Variants in HPSE2 observed in about 807,000 individuals in gnomAD.
HPSE2 encodes the protein heparanase 2 (inactive).
Under a neutral mutation model 60.5 loss-of-function variants are expected in HPSE2, and 38 were observed. The ratio of observed to expected loss-of-function variants is 0.63; its 90% CI spans 0.48 to 0.82. HPSE2 has a LOEUF of 0.82. Ranked by LOEUF, HPSE2 falls within the 40% of genes least tolerant of loss-of-function variation. The pLI, the probability that HPSE2 is intolerant of heterozygous loss-of-function variation, is 0.00. For missense variants in HPSE2, 713 were observed against 740.4 expected, an observed-to-expected ratio of 0.96 and a Z score of 0.43; for synonymous variants, 295 against 293.2, an observed-to-expected ratio of 1.01 and a Z score of -0.06.
At chr10:98,509,081 C>T (rs1313243392) in intron 9 of HPSE2, among the ~76,000 whole-genome samples, 2 of 151,998 alleles carry the variant, frequency 1.3e-5, no homozygotes, top group Non-Finnish European at 2.9e-5. Context: ...ATTGGGAGGC[C>T]GAGGCGGGTG....
chr10:98,620,493 C>T lies in HPSE2; in HGVS notation c.1205+109G>A, dbSNP rs7911541. 3.1e-3 allele frequency: 2,416 copies of T among 778,646 alleles called. 44 individuals are homozygous for T. The African/African-American group carries it at 0.033, about 11-fold the overall frequency. The allele number at this position is 778,646 out of a possible 1,614,324, so 48.2% of individuals were successfully genotyped here. On this transcript the variant is annotated intron_variant, in intron 8 of 11. Transcript: ENST00000370552. ...ATGAATGAATGAAATGAACTTTCAA[C>T]GGGAAACATGCCTCACCCCTAGGAT...
At chr10:98,646,145 G>T (rs1395614513) in intron 6 of HPSE2, among the ~76,000 whole-genome samples, 1 of 152,242 alleles carries the variant, frequency 6.6e-6, no homozygotes, top group East Asian at 1.9e-4. Flanking sequence ...CTATTTGAAA[G>T]CTTCTTCCCA....
chr10:98,979,624 G>T (rs1956163333), intron 3 of HPSE2, among the ~76,000 whole-genome samples: 2 of 152,148 alleles, frequency 1.3e-5, no homozygotes, highest in Admixed American at 1.3e-4. Flanking sequence ...GTATTGATTG[G>T]TTGATTAAAA....
chr10:98,740,791 TA>T (rs1238015097), intron 4 of HPSE2, among the ~76,000 whole-genome samples: 1 of 152,170 alleles, frequency 6.6e-6, no homozygotes, highest in Non-Finnish European at 1.5e-5. Flanking sequence ...ATATAATGAT[TA>T]AATGATTACC....
chr10:98,498,142 A>C (rs1941912655), intron 9 of HPSE2, among the ~76,000 whole-genome samples: 1 of 152,228 alleles, frequency 6.6e-6, no homozygotes, highest in Admixed American at 6.5e-5. Context: ...ACAAAGCAGC[A>C]TGCGGAGGCT....
intron 3 of HPSE2, among the ~76,000 whole-genome samples, chr10:98,888,108 C>T (rs1300772652): frequency 1.3e-5 from 2 of 148,436 alleles, no homozygotes; most frequent in African/African-American, 2.5e-5. Flanking sequence ...GAATACCACA[C>T]CTGCAAAAGG....
At chr10:98,748,382 G>T (rs1213464265) in intron 3 of HPSE2, among the ~76,000 whole-genome samples, 1 of 152,140 alleles carries the variant, frequency 6.6e-6, no homozygotes, top group East Asian at 1.9e-4. Flanking sequence ...TGAATATAGA[G>T]AATTTAGTAG....
rs965227775 is a variant in HPSE2, at chr10:98,731,201, G to A, written c.785-9373C>T. On this transcript the variant is annotated intron_variant, in intron 4 of 11. Coordinates refer to ENST00000370552, the MANE Select transcript of HPSE2 (RefSeq NM_021828.5). ...CTCAGGAGGCTGAGGCAGGAGAATC[G>A]CTTGAGTCTGGGAGGTGGAGTGAGC... Among the ~76,000 whole-genome samples the A allele has an allele frequency of 3.9e-5, 6 of 152,056 alleles. No individual in the cohort carries two copies. The East Asian group carries it at 5.8e-4, about 15-fold the overall frequency.
intron 3 of HPSE2, among the ~76,000 whole-genome samples, chr10:99,119,859 TC>T (rs142707998): frequency 0.016 from 2,485 of 152,240 alleles, 95 homozygotes; most frequent in East Asian, 0.14. Context: ...GACTTCCTAT[TC>T]AAAAAATGGT....
chr10:98,593,149 T>C (rs530136884), intron 9 of HPSE2, among the ~76,000 whole-genome samples: 20 of 152,334 alleles, frequency 1.3e-4, no homozygotes, highest in African/African-American at 4.8e-4. Context: ...AAGGAAAAAT[T>C]GATCCATCTA....
chr10:98,475,204 G>A (rs1380325323), intron 11 of HPSE2, among the ~76,000 whole-genome samples: 3 of 149,066 alleles, frequency 2.0e-5, no homozygotes, highest in African/African-American at 5.0e-5. Context: ...TGCAACCTCC[G>A]CCTCCTGGGT....
the HPSE2 span, among the ~76,000 whole-genome samples, chr10:99,294,352 T>C: frequency 6.8e-6 from 1 of 147,256 alleles, no homozygotes; most frequent in Non-Finnish European, 1.5e-5. Flanking sequence ...TATGTAAATT[T>C]TTATATATTA....
At chr10:98,555,613 A>C (rs1308864909) in intron 9 of HPSE2, among the ~76,000 whole-genome samples, 1 of 152,218 alleles carries the variant, frequency 6.6e-6, no homozygotes, top group Admixed American at 6.5e-5. Context: ...TTCTATACTT[A>C]ACTATTCTTC....
intron 9 of HPSE2, among the ~76,000 whole-genome samples, chr10:98,583,398 C>T (rs1240482889): frequency 1.3e-5 from 2 of 152,162 alleles, no homozygotes; most frequent in African/African-American, 2.4e-5. Flanking sequence ...TCTTTCATTG[C>T]TTTGGTTGTG....
At chr10:99,102,537 G>A (rs1174492724) in intron 3 of HPSE2, among the ~76,000 whole-genome samples, 5 of 152,100 alleles carry the variant, frequency 3.3e-5, no homozygotes, top group Non-Finnish European at 4.4e-5. Context: ...ATTCACAGCC[G>A]AATTCTACCA....
chr10:98,724,886 C>A (rs2134262487), intron 4 of HPSE2, among the ~76,000 whole-genome samples: 1 of 152,178 alleles, frequency 6.6e-6, no homozygotes, highest in African/African-American at 2.4e-5. Context: ...CTCCCATTCA[C>A]AATTGCTTCA....
chr10:98,768,406 T>C (rs1048567374), intron 3 of HPSE2, among the ~76,000 whole-genome samples: 2 of 152,172 alleles, frequency 1.3e-5, no homozygotes, highest in Admixed American at 6.5e-5. Flanking sequence ...TGAGCTCCTC[T>C]TTACTATTTG....
the HPSE2 span, among the ~76,000 whole-genome samples, chr10:99,270,388 G>C: frequency 2.0e-5 from 3 of 152,222 alleles, no homozygotes; most frequent in East Asian, 5.8e-4. Flanking sequence ...AGAAAACCTA[G>C]AGGAGATGGA....
intron 3 of HPSE2, among the ~76,000 whole-genome samples, chr10:99,035,655 T>A (rs367666473): frequency 6.6e-6 from 1 of 152,346 alleles, no homozygotes; most frequent in African/African-American, 2.4e-5. Flanking sequence ...ACAGATGATG[T>A]TTACACCAGC....
Sources: gnomAD v4.1 joint callset for allele counts (sites outside exome capture counted in the v4.1 genomes callset) on GRCh38, gnomAD v4.1.1 for gene constraint, MANE v1.5 for transcripts, NCBI Gene and HGNC (gene_info 2026-07-23, HGNC 2026-07-21) for gene names.